Variants in ECM2 observed in about 807,000 individuals in gnomAD.
ECM2 encodes extracellular matrix protein 2, female organ and adipocyte specific.
Under a neutral mutation model 67.5 loss-of-function variants are expected in ECM2, and 57 were observed. That is an observed-to-expected ratio of 0.84 (90% CI 0.68 to 1.05). The LOEUF (loss-of-function observed/expected upper bound fraction) is 1.05. Ranked by LOEUF, ECM2 falls within the 50% of genes least tolerant of loss-of-function variation. The pLI is 0.00. For synonymous variants in ECM2, 258 were observed against 294.5 expected (o/e 0.88, Z 1.27); for missense variants, 741 against 822.8 (o/e 0.90, Z 1.22).
chr9:92,526,326 ATTTGTGTT>A (rs1454706509), intron 1 of ECM2, among the ~76,000 whole-genome samples: 3 of 152,244 alleles, frequency 2.0e-5, no homozygotes, highest in Non-Finnish European at 4.4e-5. Context: ...TGTACAATGT[ATTTGTGTT>A]TTAAGCCAAG....
chr9:92,520,608 T>TA (rs950768640), intron 2 of ECM2, among the ~76,000 whole-genome samples: 5 of 152,182 alleles, frequency 3.3e-5, no homozygotes, highest in African/African-American at 1.2e-4. Context: ...CCCTCCTAAG[T>TA]ATATACCCAA....
Position 92,502,670 on chromosome 9 carries a change from G to T in ECM2, c.1465-18C>A. Reference sequence around the variant, plus strand: ...TATAATTCCTATAATTAAGAGAGAAGACTATTATTTTTCTTTTGTGTTAGT... The same window carrying T: ...TATAATTCCTATAATTAAGAGAGAATACTATTATTTTTCTTTTGTGTTAGT... On this transcript the variant is annotated intron_variant, in intron 7 of 9. Transcript: ENST00000344604. 6.6e-7 allele frequency: 1 copy of T among 1,523,676 alleles called. No individual in the cohort carries two copies. Among genetic ancestry groups the T allele is most frequent in the Non-Finnish European group, 8.9e-7 (1 of 1,118,384 alleles). 94.4% of individuals were successfully genotyped at this position (1,523,676 alleles called of 1,614,324 possible).
the ECM2 span, among the ~76,000 whole-genome samples, chr9:92,547,711 C>G: frequency 6.6e-6 from 1 of 152,080 alleles, no homozygotes; most frequent in East Asian, 1.9e-4. Flanking sequence ...TATGGAGTGA[C>G]TAAAATGTTC....
intron 8 of ECM2, 138 bp downstream of exon 8, chr9:92,502,375 C>T: frequency 9.1e-7 from 1 of 1,093,640 alleles, no homozygotes; most frequent in Non-Finnish European, 1.3e-6. Flanking sequence ...TAAGGGTTCA[C>T]TAAGAAACGA....
chr9:92,502,654 T>C lies in ECM2; in HGVS notation c.1465-2A>G, dbSNP rs762102025. 10 of 1,558,982 alleles carry C rather than the reference T, an allele frequency of 6.4e-6. No homozygotes were observed. The highest frequency in any genetic ancestry group is 7.0e-6 in the Non-Finnish European group (8 of 1,140,020). On this transcript the variant is annotated splice_acceptor_variant, in intron 7 of 9. Transcript: ENST00000344604. LOFTEE classifies it high-confidence loss of function. ...TTGGTTATTTTCTAGGTATAATTCC[T>C]ATAATTAAGAGAGAAGACTATTATT...
chr9:92,515,297 C>T (rs1847633934), intron 3 of ECM2, 94 bp from the exon 4 acceptor site: 1 of 1,340,814 alleles, frequency 7.5e-7, no homozygotes, highest in Non-Finnish European at 9.5e-7. Context: ...AAATATTATT[C>T]CCTCCAAGTA....
intron 1 of ECM2, among the ~76,000 whole-genome samples, chr9:92,533,328 A>AAAAAAAAAAAAAAAAAAAATATAT (rs1554683138): frequency 2.6e-5 from 1 of 38,332 alleles, no homozygotes; most frequent in Non-Finnish European, 4.3e-5. Context: ...AAAAAAAAAA[A>AAAAAAAAAAAAAAAAAAAATATAT]ATATATATAT....
At chr9:92,494,449 A>T (rs1564351942), downstream of ECM2, among the ~76,000 whole-genome samples, 1 of 152,204 alleles carries the variant, frequency 6.6e-6, no homozygotes, top group Non-Finnish European at 1.5e-5. Flanking sequence ...TCCTAAACTG[A>T]TTATGAAGCT....
chr9:92,558,082 C>G, the ECM2 span, among the ~76,000 whole-genome samples: 8 of 152,118 alleles, frequency 5.3e-5, no homozygotes, highest in African/African-American at 9.7e-5. Context: ...TGGGCTTTGC[C>G]TTTCTCTGGT....
intron 1 of ECM2, among the ~76,000 whole-genome samples, chr9:92,530,666 T>C (rs1848693110): frequency 6.6e-6 from 1 of 152,318 alleles, no homozygotes; most frequent in Admixed American, 6.5e-5. Context: ...TGCTATAAGA[T>C]CTACTTTGTC....
chr9:92,551,950 T>A, the ECM2 span, among the ~76,000 whole-genome samples: 2 of 121,518 alleles, frequency 1.6e-5, no homozygotes, highest in South Asian at 2.4e-4. Flanking sequence ...TATATATATA[T>A]ATGATATATA....
At chr9:92,526,821 G>A (rs942016166) in intron 1 of ECM2, among the ~76,000 whole-genome samples, 5 of 152,070 alleles carry the variant, frequency 3.3e-5, no homozygotes, top group African/African-American at 1.2e-4. Flanking sequence ...AGTGTACAGT[G>A]TTTATAAAAT....
chr9:92,512,170 A>G (rs1331133199), intron 4 of ECM2, 44 bp from the exon 5 acceptor site: 8 of 1,349,104 alleles, frequency 5.9e-6, no homozygotes, highest in Non-Finnish European at 8.5e-6. Flanking sequence ...GTGCATATAC[A>G]TACATGTACA....
At chr9:92,543,486 A>G in the ECM2 span, among the ~76,000 whole-genome samples, 13 of 151,108 alleles carry the variant, frequency 8.6e-5, no homozygotes, top group Admixed American at 3.3e-4. Context: ...AAAAAAAAAA[A>G]AAAAAAAAAA....
intron 1 of ECM2, among the ~76,000 whole-genome samples, chr9:92,532,914 A>G (rs749168972): frequency 6.6e-6 from 1 of 152,068 alleles, no homozygotes; most frequent in Non-Finnish European, 1.5e-5. Context: ...AAAATACTTG[A>G]GAATTTGCGT....
At chr9:92,546,796 TA>T in the ECM2 span, among the ~76,000 whole-genome samples, 1 of 152,162 alleles carries the variant, frequency 6.6e-6, no homozygotes, top group Non-Finnish European at 1.5e-5. Flanking sequence ...ATAATTTCTT[TA>T]AAAAAACAAT....
chr9:92,549,288 A>G, the ECM2 span, among the ~76,000 whole-genome samples: 1 of 152,180 alleles, frequency 6.6e-6, no homozygotes, highest in Admixed American at 6.5e-5. Context: ...CTTTCTCATA[A>G]CCAAAACTGT....
intron 9 of ECM2, among the ~76,000 whole-genome samples, chr9:92,499,747 T>C (rs1013731763): frequency 6.6e-6 from 1 of 152,238 alleles, no homozygotes; most frequent in East Asian, 1.9e-4. Flanking sequence ...TTTTGTTTTG[T>C]CTTTGTAGGC....
Position 92,506,165 on chromosome 9 carries a change from G to C in ECM2, c.1307-475C>G, listed in dbSNP as rs1846997823. On this transcript the variant is annotated intron_variant, in intron 6 of 9. Coordinates refer to ENST00000344604, the MANE Select transcript of ECM2 (RefSeq NM_001393.4). Reference sequence around the variant, plus strand: ...GGGGTGGGTAGAAGTTTAATGCAATGAATGATTTCTTTTTCTAGGACACAG... The same window carrying C: ...GGGGTGGGTAGAAGTTTAATGCAATCAATGATTTCTTTTTCTAGGACACAG... Among the ~76,000 whole-genome samples the C allele has an allele frequency of 2.0e-5, 3 of 152,200 alleles. No individual in the cohort carries two copies. The South Asian group carries it at 6.2e-4, about 31-fold the overall frequency.
Sources: allele counts gnomAD v4.1 joint callset (sites outside exome capture counted in the v4.1 genomes callset), GRCh38; gene constraint gnomAD v4.1.1; transcripts MANE v1.5; gene names NCBI Gene and HGNC (gene_info 2026-07-23, HGNC 2026-07-21).